PTPRO: variants seen among roughly 807,000 people sequenced by gnomAD.
PTPRO encodes receptor-type tyrosine-protein phosphatase O.
A neutral mutation model predicts 145.2 loss-of-function variants in PTPRO; 62 were observed. The ratio of observed to expected loss-of-function variants is 0.43; its 90% CI spans 0.35 to 0.53. The LOEUF is 0.53. Among genes scored for constraint, PTPRO ranks in the 20% least tolerant of loss-of-function variants. PTPRO has a pLI of 0.01. For synonymous variants in PTPRO, 565 were observed against 514.7 expected (o/e 1.10, Z -1.32); for missense variants, 1,345 against 1,482.7 (o/e 0.91, Z 1.53).
intron 12 of PTPRO, among the ~76,000 whole-genome samples, chr12:15,530,433 T>C (rs1328491304): frequency 1.3e-5 from 2 of 152,182 alleles, no homozygotes; most frequent in African/African-American, 4.8e-5. Context: ...CACATTGTTT[T>C]CACTGCACAT....
rs1944089022 is a variant in PTPRO, at chr12:15,572,873, G to A, written c.2829+3375G>A. On this transcript the variant is annotated intron_variant, in intron 19 of 26. Coordinates refer to ENST00000281171, the MANE Select transcript of PTPRO (RefSeq NM_030667.3). ...GTTTTTGGTTGTTATAATAGCTTAGGAGGAGGATGCTAACAGTATTTTATG... is the reference window on the plus strand; with the variant it reads ...GTTTTTGGTTGTTATAATAGCTTAGAAGGAGGATGCTAACAGTATTTTATG... Among the ~76,000 whole-genome samples, 3 of 152,248 alleles carry A rather than the reference G, an allele frequency of 2.0e-5. No homozygotes were observed. In the South Asian group the frequency reaches 6.2e-4, roughly 32 times the overall value.
At chr12:15,527,204 G>T (rs1188622661) in intron 12 of PTPRO, among the ~76,000 whole-genome samples, 1 of 152,162 alleles carries the variant, frequency 6.6e-6, no homozygotes, top group African/African-American at 2.4e-5. Context: ...GAGCCATAGA[G>T]AAGTGAAAAT....
At chr12:15,512,717 G>C (rs1942467324) in intron 7 of PTPRO, among the ~76,000 whole-genome samples, 1 of 152,182 alleles carries the variant, frequency 6.6e-6, no homozygotes, top group African/African-American at 2.4e-5. Flanking sequence ...TATCAGGCCA[G>C]GCACGGCGGT....
At chr12:15,324,055 G>A (rs1866376010) in intron 1 of PTPRO, among the ~76,000 whole-genome samples, 1 of 151,890 alleles carries the variant, frequency 6.6e-6, no homozygotes, top group Non-Finnish European at 1.5e-5. Context: ...TTAAAGTATG[G>A]TAAATAATAA....
intron 1 of PTPRO, among the ~76,000 whole-genome samples, chr12:15,459,405 G>C (rs1040503763): frequency 7.2e-5 from 11 of 152,210 alleles, no homozygotes; most frequent in African/African-American, 2.7e-4. Context: ...AAATCAGAAT[G>C]TTGAACACAT....
intron 12 of PTPRO, among the ~76,000 whole-genome samples, chr12:15,545,350 C>G (rs1943260781): frequency 6.6e-6 from 1 of 151,414 alleles, no homozygotes; most frequent in Non-Finnish European, 1.5e-5. Flanking sequence ...TACAATATGT[C>G]CAAATAAGCA....
intron 14 of PTPRO, among the ~76,000 whole-genome samples, chr12:15,550,124 C>T (rs540467793): frequency 6.6e-6 from 1 of 152,266 alleles, no homozygotes; most frequent in East Asian, 1.9e-4. Flanking sequence ...TCCCTCAAAA[C>T]TTAACTACTC....
chr12:15,340,599 T>C (rs1338004555), intron 1 of PTPRO, among the ~76,000 whole-genome samples: 1 of 152,226 alleles, frequency 6.6e-6, no homozygotes, highest in East Asian at 1.9e-4. Flanking sequence ...TTCAGTGTAA[T>C]AGATTTGATG....
chr12:15,375,432 A>G (rs1425073658), intron 1 of PTPRO, among the ~76,000 whole-genome samples: 1 of 152,194 alleles, frequency 6.6e-6, no homozygotes, highest in African/African-American at 2.4e-5. Context: ...ACAGTATGAC[A>G]ATAATTCACC....
chr12:15,390,637 A>T (rs547643191), intron 1 of PTPRO, among the ~76,000 whole-genome samples: 1 of 152,250 alleles, frequency 6.6e-6, no homozygotes, highest in South Asian at 2.1e-4. Context: ...GGTACCAGAG[A>T]AGTCTCGTGG....
At chr12:15,505,736 T>G (rs1942308322) in intron 6 of PTPRO, among the ~76,000 whole-genome samples, 2 of 152,254 alleles carry the variant, frequency 1.3e-5, no homozygotes, top group Admixed American at 1.3e-4. Flanking sequence ...TTGCTCAGCA[T>G]AATGTAGTCA....
intron 1 of PTPRO, among the ~76,000 whole-genome samples, chr12:15,369,289 G>A (rs1372649630): frequency 6.6e-6 from 1 of 152,166 alleles, no homozygotes; most frequent in Non-Finnish European, 1.5e-5. Flanking sequence ...AACTTAAAAG[G>A]TGAAGCAGGA....
chr12:15,498,619 G>GA (rs1447893634), intron 3 of PTPRO, among the ~76,000 whole-genome samples: 6 of 151,844 alleles, frequency 4.0e-5, no homozygotes, highest in East Asian at 1.9e-4. Context: ...TTTAAACTTT[G>GA]AAAAAATCAA....
At chr12:15,550,554 A>T (rs1001659221) in intron 14 of PTPRO, among the ~76,000 whole-genome samples, 2 of 152,222 alleles carry the variant, frequency 1.3e-5, no homozygotes, top group Non-Finnish European at 2.9e-5. Context: ...TTATTTATAA[A>T]TGAGGAAAAT....
At chr12:15,497,526 C>T in intron 3 of PTPRO, 123 bp downstream of exon 3, 2 of 1,055,178 alleles carry the variant, frequency 1.9e-6, no homozygotes, top group South Asian at 2.8e-5. Context: ...ATAAATGAGC[C>T]ATTAAAAATA....
At chr12:15,414,633 A>G (rs1247825312) in intron 1 of PTPRO, among the ~76,000 whole-genome samples, 2 of 152,110 alleles carry the variant, frequency 1.3e-5, no homozygotes, top group Admixed American at 6.5e-5. Flanking sequence ...GACAGTATTT[A>G]TTTTAAATTT....
At chr12:15,506,387 C>A (rs1942321840) in intron 6 of PTPRO, among the ~76,000 whole-genome samples, 1 of 152,164 alleles carries the variant, frequency 6.6e-6, no homozygotes, top group African/African-American at 2.4e-5. Context: ...TTGTTTATAT[C>A]TCTGGGCCTC....
chr12:15,388,522 A>C (rs1212519327), intron 1 of PTPRO, among the ~76,000 whole-genome samples: 1 of 152,224 alleles, frequency 6.6e-6, no homozygotes, highest in African/African-American at 2.4e-5. Flanking sequence ...AAACACCTAA[A>C]ATGATAAGGC....
At chr12:15,400,238 G>A (rs914533958) in intron 1 of PTPRO, among the ~76,000 whole-genome samples, 8 of 151,524 alleles carry the variant, frequency 5.3e-5, no homozygotes, top group South Asian at 2.1e-4. Context: ...TGATCCACCC[G>A]CCTTGGCCTC....
Sources: allele counts gnomAD v4.1 joint callset (sites outside exome capture counted in the v4.1 genomes callset), GRCh38; gene constraint gnomAD v4.1.1; transcripts MANE v1.5; gene names NCBI Gene and HGNC (gene_info 2026-07-23, HGNC 2026-07-21).